AP1B1: variants seen among roughly 807,000 people sequenced by gnomAD.
The protein encoded by AP1B1 is adaptor related protein complex 1 subunit beta 1.
AP1B1 carries 36 observed loss-of-function variants against 104.3 expected under a neutral mutation model. The ratio of observed to expected loss-of-function variants is 0.35; its 90% CI spans 0.26 to 0.46. The LOEUF is 0.46. AP1B1 is among the 20% of genes least tolerant of loss of function. The pLI, the probability that AP1B1 is intolerant of heterozygous loss-of-function variation, is 1.00. For synonymous variants in AP1B1, 504 were observed against 517.5 expected, an observed-to-expected ratio of 0.97 and a Z score of 0.35; for missense variants, 901 against 1,247.9, an observed-to-expected ratio of 0.72 and a Z score of 4.19.
intron 11 of AP1B1, among the ~76,000 whole-genome samples, chr22:29,348,238 T>C (rs1473584813): frequency 6.6e-6 from 1 of 152,228 alleles, no homozygotes; most frequent in Non-Finnish European, 1.5e-5. Context: ...CCGTGAAAGC[T>C]TTCAGTTGCC....
chr22:29,329,681 C>T (rs766554162), intron 22 of AP1B1, 31 bp downstream of exon 22: 12 of 1,612,618 alleles, frequency 7.4e-6, no homozygotes, highest in East Asian at 4.5e-5. Context: ...CTGGGGAGGG[C>T]GGACGGGGAA....
intron 18 of AP1B1, 109 bp downstream of exon 18, chr22:29,331,678 C>T (rs1001362010): frequency 5.5e-5 from 88 of 1,599,236 alleles, no homozygotes; most frequent in Admixed American, 8.3e-5. Flanking sequence ...CTCCCCAACA[C>T]ATCTGCAGCT....
At chr22:29,371,024 C>A (rs969996832) in intron 1 of AP1B1, among the ~76,000 whole-genome samples, 2 of 152,072 alleles carry the variant, frequency 1.3e-5, no homozygotes, top group Non-Finnish European at 2.9e-5. Flanking sequence ...GGAGGAGATG[C>A]GGAGAAAAGT....
chr22:29,329,793 G>A (rs773139954), intron 21 of AP1B1, 73 bp from the exon 22 acceptor site: 85 of 1,603,374 alleles, frequency 5.3e-5, no homozygotes, highest in South Asian at 2.2e-5. Flanking sequence ...TACCACCACC[G>A]AAGCCACGCC....
At chr22:29,331,371 G>T in intron 19 of AP1B1, 78 bp downstream of exon 19, 5 of 1,400,474 alleles carry the variant, frequency 3.6e-6, no homozygotes, top group Non-Finnish European at 4.1e-6. Context: ...TCTGGACCTT[G>T]GTAAAGGCAC....
chr22:29,355,674 T>C (rs1314970485), intron 6 of AP1B1, among the ~76,000 whole-genome samples: 1 of 151,872 alleles, frequency 6.6e-6, no homozygotes, highest in Non-Finnish European at 1.5e-5. Context: ...GATGGGTGGA[T>C]TGCTTGATCC....
chr22:29,351,383 C>G, intron 8 of AP1B1, 117 bp from the exon 9 acceptor site: 2 of 1,218,712 alleles, frequency 1.6e-6, no homozygotes, highest in Non-Finnish European at 2.4e-6. Context: ...GCCTCCTGCT[C>G]CAGGTAGAAG....
intron 14 of AP1B1, among the ~76,000 whole-genome samples, 195 bp from the exon 15 acceptor site, chr22:29,339,969 C>T (rs2061690319): frequency 6.6e-6 from 1 of 152,028 alleles, no homozygotes. Context: ...CTACCCCACA[C>T]CTTTACCCCA....
chr22:29,354,604 G>A lies in AP1B1; in HGVS notation c.938+46C>T, dbSNP rs776065629. ...AGAGCCCCCATTCCCAGCAGAAGAG[G>A]CTCCCCGAGGGGTACGCATGGACGT... is the stretch of plus-strand genomic sequence containing the variant. On this transcript the variant is annotated intron_variant, in intron 7 of 22. Coordinates refer to ENST00000357586, the MANE Select transcript of AP1B1 (RefSeq NM_001127.4). 4 of 1,568,906 alleles carry A rather than the reference G, an allele frequency of 2.5e-6. No individual in the cohort carries two copies. The South Asian group carries it at 3.4e-5, about 13-fold the overall frequency.
At chr22:29,329,106 A>C in intron 22 of AP1B1, 1 of 1,374,982 alleles carries the variant, frequency 7.3e-7, no homozygotes, top group Non-Finnish European at 9.4e-7. Flanking sequence ...TGCAGCCCAC[A>C]CACCTGCTGT....
rs1171048793 is a variant in AP1B1 at position 29,380,238 on chromosome 22, C to T, written c.-28+8186G>A. On this transcript the variant is annotated intron_variant, in intron 1 of 22. Coordinates refer to ENST00000357586, the MANE Select transcript of AP1B1 (RefSeq NM_001127.4). Reference sequence around the variant, plus strand: ...GCCTGCCCTCCTACGCCACTGTCTGCGCCTTCTCAGTCTCCTTTGCTTGTT... The same window carrying T: ...GCCTGCCCTCCTACGCCACTGTCTGTGCCTTCTCAGTCTCCTTTGCTTGTT... 3.9e-5 allele frequency among the ~76,000 whole-genome samples: 6 copies of T among 152,192 alleles called. No homozygotes were observed. In the South Asian group the frequency reaches 6.2e-4, roughly 16 times the overall value.
At chr22:29,371,375 G>A (rs1271513432) in intron 1 of AP1B1, among the ~76,000 whole-genome samples, 1 of 152,134 alleles carries the variant, frequency 6.6e-6, no homozygotes, top group Non-Finnish European at 1.5e-5. Flanking sequence ...CTACCCCATA[G>A]AGGCCAAAGG....
chr22:29,343,560 C>T (rs1277116478), intron 11 of AP1B1, among the ~76,000 whole-genome samples: 3 of 152,222 alleles, frequency 2.0e-5, no homozygotes, highest in Admixed American at 2.0e-4. Flanking sequence ...GCCTGGGCAG[C>T]CAATGGGAAG....
At chr22:29,343,001 C>T (rs1161191587) in intron 11 of AP1B1, among the ~76,000 whole-genome samples, 2 of 152,156 alleles carry the variant, frequency 1.3e-5, no homozygotes, top group Admixed American at 6.5e-5. Context: ...CCCGTCACAG[C>T]GCCACCAGTT....
chr22:29,340,991 C>T (rs527730679), intron 13 of AP1B1, 134 bp from the exon 14 acceptor site: 19 of 847,198 alleles, frequency 2.2e-5, no homozygotes, highest in South Asian at 8.9e-5. Context: ...GCTGTCCACA[C>T]GGCCCCACTT....
intron 1 of AP1B1, among the ~76,000 whole-genome samples, chr22:29,383,413 A>C (rs893261623): frequency 1.3e-5 from 2 of 152,220 alleles, no homozygotes; most frequent in African/African-American, 4.8e-5. Flanking sequence ...TTCAGTTTTA[A>C]AGCTTTTGAG....
chr22:29,335,829 C>T (rs995771061), intron 16 of AP1B1, among the ~76,000 whole-genome samples: 4 of 152,202 alleles, frequency 2.6e-5, no homozygotes, highest in African/African-American at 4.8e-5. Context: ...AGCACGCCCC[C>T]GGACAGATCT....
chr22:29,388,329 C>G (rs1036744527), intron 1 of AP1B1, 95 bp downstream of exon 1: 2 of 152,440 alleles, frequency 1.3e-5, no homozygotes, highest in African/African-American at 4.8e-5. Context: ...GCCGCGTCCT[C>G]TTCATGACCT....
At position 29,358,954 on chromosome 22, in the gene AP1B1, GTT is replaced by G. The variant is rs1424280131; in HGVS notation, c.295_296del (p.Asn99ProfsTer17). The G allele has an allele frequency of 6.2e-7, 1 of 1,610,622 alleles. No homozygotes were observed. Among genetic ancestry groups the G allele is most frequent in the Non-Finnish European group, 8.5e-7 (1 of 1,178,960 alleles). ...GCACTGCCAGGGCTCGGATGAGGGG[GTT>G]GGGGTCCTCACAGTCCTGGGGGGAA... ...NTFVKDCEDP[N>X]PLIRALAVRT... On this transcript the variant is annotated frameshift_variant, in exon 5 of 23. Coordinates refer to ENST00000357586, the MANE Select transcript of AP1B1 (RefSeq NM_001127.4). LOFTEE classifies it high-confidence loss of function.
Sources: allele counts gnomAD v4.1 joint callset (sites outside exome capture counted in the v4.1 genomes callset), GRCh38; gene constraint gnomAD v4.1.1; transcripts MANE v1.5; gene names NCBI Gene and HGNC (gene_info 2026-07-23, HGNC 2026-07-21).